The following RECK variants were observed in gnomAD, a reference collection of about 807,000 sequenced individuals.
RECK encodes the protein reversion inducing cysteine rich protein with kazal motifs, also known as reversion-inducing cysteine-rich protein with Kazal motifs.
A neutral mutation model predicts 115.1 loss-of-function variants in RECK; 69 were observed. The observed-to-expected ratio is 0.60, with a 90% CI of 0.49 to 0.73. The LOEUF is 0.73. Among genes scored for constraint, RECK ranks in the 30% least tolerant of loss-of-function variants. The pLI, the probability that RECK is intolerant of heterozygous loss-of-function variation, is 0.00. For synonymous variants in RECK, 414 were observed against 419.7 expected, an observed-to-expected ratio of 0.99 and a Z score of 0.17; for missense variants, 1,047 against 1,203.7, an observed-to-expected ratio of 0.87 and a Z score of 1.93.
At chr9:36,081,621 G>A (rs1193845929) in intron 7 of RECK, among the ~76,000 whole-genome samples, 1 of 152,044 alleles carries the variant, frequency 6.6e-6, no homozygotes, top group African/African-American at 2.4e-5. Flanking sequence ...ATCACTTGAG[G>A]TCAGGAGTTT....
chr9:36,043,355 T>G (rs1820957899), intron 1 of RECK, among the ~76,000 whole-genome samples: 1 of 151,970 alleles, frequency 6.6e-6, no homozygotes, highest in Admixed American at 6.6e-5. Flanking sequence ...TAGCCCACTT[T>G]TTAATGGACT....
At chr9:36,082,592 TC>T (rs1307878906) in intron 7 of RECK, among the ~76,000 whole-genome samples, 5 of 152,172 alleles carry the variant, frequency 3.3e-5, no homozygotes, top group Non-Finnish European at 7.3e-5. Flanking sequence ...CCCCAGCTAC[TC>T]ATCTAGCTCT....
intron 10 of RECK, among the ~76,000 whole-genome samples, chr9:36,095,428 A>C (rs922556385): frequency 8.5e-5 from 13 of 152,248 alleles, no homozygotes; most frequent in Admixed American, 8.5e-4. Flanking sequence ...CAATTATTAC[A>C]CAGAATTTTT....
chr9:36,078,650 A>G (rs1822552833), intron 6 of RECK, among the ~76,000 whole-genome samples: 1 of 152,196 alleles, frequency 6.6e-6, no homozygotes, highest in African/African-American at 2.4e-5. Context: ...GGAAAGTTCA[A>G]AAATAACTAG....
At chr9:36,071,540 A>G (rs1298812896) in intron 6 of RECK, among the ~76,000 whole-genome samples, 1 of 152,010 alleles carries the variant, frequency 6.6e-6, no homozygotes, top group Non-Finnish European at 1.5e-5. Context: ...ATATTTTTTT[A>G]CTTGTTTCTT....
intron 9 of RECK, among the ~76,000 whole-genome samples, chr9:36,090,882 A>G (rs1053792183): frequency 1.3e-5 from 2 of 152,186 alleles, no homozygotes; most frequent in Non-Finnish European, 2.9e-5. Context: ...TGTGCCAGGA[A>G]CTAAGGATGC....
At chr9:36,057,668 A>G (rs557634227) in intron 2 of RECK, among the ~76,000 whole-genome samples, 53 of 152,108 alleles carry the variant, frequency 3.5e-4, no homozygotes, top group Non-Finnish European at 6.2e-4. Context: ...AAAAATACAG[A>G]AATTAGCCTG....
rs1820685538 is a variant in RECK at position 36,036,990 on chromosome 9, G to A, written c.-9G>A. The A allele has an allele frequency of 7.0e-7, 1 of 1,421,638 alleles. No individual in the cohort carries two copies. The highest frequency in any genetic ancestry group is 9.2e-7 in the Non-Finnish European group (1 of 1,085,854). The allele number at this position is 1,421,638 out of a possible 1,614,324, so 88.1% of individuals were successfully genotyped here. A position where few individuals can be genotyped will look rare whatever the true frequency, so the allele number is the denominator to read the frequency against. On this transcript the variant is annotated 5_prime_UTR_variant, in exon 1 of 21. Coordinates refer to ENST00000377966, the MANE Select transcript of RECK (RefSeq NM_021111.3). The stretch of plus-strand genomic sequence containing the variant: ...GCATCCCGCGGCTCTGGAGCCGCCC[G>A]GCCCGGACATGGCGACCGTCCGGGC...
At chr9:36,054,204 C>A (rs1821425721) in intron 2 of RECK, among the ~76,000 whole-genome samples, 1 of 152,030 alleles carries the variant, frequency 6.6e-6, no homozygotes, top group Admixed American at 6.5e-5. Flanking sequence ...AGGATGGAGT[C>A]TTGATGACAT....
intron 1 of RECK, among the ~76,000 whole-genome samples, chr9:36,048,216 T>C (rs1274430957): frequency 6.7e-6 from 1 of 149,460 alleles, no homozygotes; most frequent in Non-Finnish European, 1.5e-5. Flanking sequence ...AAATGTAGTA[T>C]TTTTCCCTCC....
At chr9:36,121,792 G>A in intron 20 of RECK, 104 bp downstream of exon 20, 6 of 1,210,628 alleles carry the variant, frequency 5.0e-6, no homozygotes, top group South Asian at 1.4e-5. Flanking sequence ...CGTGGGTGAG[G>A]GAGTGGAGGC....
At position 36,068,540 on chromosome 9, in the gene RECK, C is replaced by CA. The variant is rs748095537; in HGVS notation, c.405+2921dup. Among the ~76,000 whole-genome samples the CA allele has an allele frequency of 5.3e-5, 8 of 152,264 alleles. No individual in the cohort carries two copies. The East Asian group carries it at 1.5e-3, about 29-fold the overall frequency. Reference sequence around the variant, plus strand: ...GAAAGAAAATACGGAATGCTCAAGCCAAAAACTAAATGAAGGCAGGAATCC... The same window carrying CA: ...GAAAGAAAATACGGAATGCTCAAGCCAAAAAACTAAATGAAGGCAGGAATCC... On this transcript the variant is annotated intron_variant, in intron 6 of 20. Transcript: ENST00000377966.
At chr9:36,043,409 C>G (rs193078218) in intron 1 of RECK, among the ~76,000 whole-genome samples, 135 of 151,894 alleles carry the variant, frequency 8.9e-4, no homozygotes, top group African/African-American at 3.2e-3. Context: ...CTTGTAGATT[C>G]TGGATATTAG....
In RECK at chr9:36,102,080, A is replaced by G. The variant is rs1016812222; in HGVS notation, c.1299-14A>G. ...TTCCTCAAGCTCTAAACTTACGTGC[A>G]TTTTTTTTTCAAGATCAGATTGTGT... On this transcript the variant is annotated splice_polypyrimidine_tract_variant and intron_variant, in intron 11 of 20. Transcript: ENST00000377966. 66 of 1,580,184 alleles carry G rather than the reference A, an allele frequency of 4.2e-5. No individual in the cohort carries two copies. The highest frequency in any genetic ancestry group is 5.6e-5 in the Non-Finnish European group (65 of 1,158,590).
intron 9 of RECK, among the ~76,000 whole-genome samples, chr9:36,090,298 A>T (rs2132636844): frequency 6.6e-6 from 1 of 152,328 alleles, no homozygotes; most frequent in South Asian, 2.1e-4. Context: ...TGTCTGTTTT[A>T]TTCACCATTG....
At chr9:36,046,286 C>CAATT in intron 1 of RECK, among the ~76,000 whole-genome samples, 1 of 152,154 alleles carries the variant, frequency 6.6e-6, no homozygotes, top group Non-Finnish European at 1.5e-5. Flanking sequence ...TTGAATGACC[C>CAATT]AATTAATCCC....
chr9:36,058,591 A>G (rs1414003010), intron 2 of RECK, among the ~76,000 whole-genome samples: 3 of 149,210 alleles, frequency 2.0e-5, no homozygotes, highest in Admixed American at 6.7e-5. Flanking sequence ...AGCATGGCAC[A>G]TGTATACATA....
At chr9:36,052,868 T>C (rs1175049203) in intron 2 of RECK, among the ~76,000 whole-genome samples, 1 of 152,164 alleles carries the variant, frequency 6.6e-6, no homozygotes, top group East Asian at 1.9e-4. Context: ...ATAAAGGACA[T>C]TATCAGGATA....
In RECK at chr9:36,037,079, C is replaced by G; in HGVS notation, c.81C>G (p.Gly27=). 1 of 1,376,408 alleles carries G rather than the reference C, an allele frequency of 7.3e-7. No homozygotes were observed. The highest frequency in any genetic ancestry group is 9.4e-7 in the Non-Finnish European group (1 of 1,060,280). 85.3% of individuals were successfully genotyped at this position (1,376,408 alleles called of 1,614,324 possible). A position where few individuals can be genotyped will look rare whatever the true frequency, so the allele number is the denominator to read the frequency against. Residue 27 remains glycine (G), a synonymous_variant, in exon 1 of 21, where the codon GGC becomes GGG. Coordinates refer to ENST00000377966, the MANE Select transcript of RECK (RefSeq NM_021111.3). ...AVAGVAEVAG[G]LAPGSAGALC... is the part of the protein sequence containing the mutation. Reference sequence around the variant, plus strand: ...CGGGGGTCGCGGAGGTGGCAGGGGGCCTGGCTCCGGGCAGTGCGGGTGAGT... The same window carrying G: ...CGGGGGTCGCGGAGGTGGCAGGGGGGCTGGCTCCGGGCAGTGCGGGTGAGT...
Sources: allele counts gnomAD v4.1 joint callset (sites outside exome capture counted in the v4.1 genomes callset), GRCh38; gene constraint gnomAD v4.1.1; transcripts MANE v1.5; gene names NCBI Gene and HGNC (gene_info 2026-07-23, HGNC 2026-07-21).